The following RGS7 variants were observed in gnomAD, a reference collection of about 807,000 sequenced individuals.
RGS7 encodes regulator of G protein signaling 7.
A neutral mutation model predicts 81.1 loss-of-function variants in RGS7; 27 were observed. The ratio of observed to expected loss-of-function variants is 0.33; its 90% CI spans 0.25 to 0.46. The LOEUF (loss-of-function observed/expected upper bound fraction) is 0.46. Among genes scored for constraint, RGS7 ranks in the 20% least tolerant of loss-of-function variants. The pLI is 1.00. For missense variants in RGS7, 396 were observed against 607.4 expected (o/e 0.65, Z 3.66); for synonymous variants, 208 against 207.7 (o/e 1.00, Z -0.01).
chr1:241,119,195 A>G (rs1404976300), intron 2 of RGS7, among the ~76,000 whole-genome samples: 1 of 152,182 alleles, frequency 6.6e-6, no homozygotes, highest in Admixed American at 6.5e-5. Context: ...ACAACTAACT[A>G]TATTTCTCAA....
At chr1:240,923,170 T>C (rs1420219638) in intron 6 of RGS7, among the ~76,000 whole-genome samples, 3 of 151,992 alleles carry the variant, frequency 2.0e-5, no homozygotes, top group Non-Finnish European at 4.4e-5. Context: ...AAGATAAGTG[T>C]GTGCCAGGGG....
intron 2 of RGS7, among the ~76,000 whole-genome samples, chr1:241,274,833 T>C (rs564629782): frequency 2.0e-5 from 3 of 152,354 alleles, no homozygotes; most frequent in Admixed American, 6.5e-5. Context: ...CCCTGGTTCA[T>C]ATCAGCCTGA....
At chr1:241,282,826 G>A (rs923560104) in intron 2 of RGS7, among the ~76,000 whole-genome samples, 5 of 152,096 alleles carry the variant, frequency 3.3e-5, no homozygotes, top group South Asian at 2.1e-4. Context: ...ATAGAATCAC[G>A]AGCTTTTTCC....
intron 4 of RGS7, among the ~76,000 whole-genome samples, chr1:240,977,307 A>C (rs2148535581): frequency 6.6e-6 from 1 of 152,324 alleles, no homozygotes; most frequent in African/African-American, 2.4e-5. Flanking sequence ...CATTTTATTT[A>C]ATCTTTCCGC....
chr1:241,096,255 C>T (rs960265778), intron 3 of RGS7, among the ~76,000 whole-genome samples: 1 of 151,792 alleles, frequency 6.6e-6, no homozygotes, highest in Non-Finnish European at 1.5e-5. Context: ...AGTTGGGCCA[C>T]AAAAGAATAG....
chr1:241,327,039 G>T (rs1315060703), intron 2 of RGS7, among the ~76,000 whole-genome samples: 59 of 24,000 alleles, frequency 2.5e-3, no homozygotes, highest in Non-Finnish European at 4.0e-3. Flanking sequence ...AGGAAGGAAG[G>T]GAGGGAGGGG....
chr1:241,173,149 C>T (rs970942472), intron 2 of RGS7, among the ~76,000 whole-genome samples: 4 of 152,128 alleles, frequency 2.6e-5, no homozygotes, highest in African/African-American at 7.2e-5. Context: ...GTTTTTATAT[C>T]GCTCAACAAA....
intron 4 of RGS7, among the ~76,000 whole-genome samples, chr1:240,970,984 AAAATAAAATAAAT>A (rs147237169): frequency 0.026 from 4,003 of 152,284 alleles, 162 homozygotes; most frequent in African/African-American, 0.091. Context: ...GTCTCAAAAC[AAAATAAAATAAAT>A]AAATAAAATA....
intron 3 of RGS7, among the ~76,000 whole-genome samples, chr1:241,061,004 A>G (rs906801768): frequency 6.6e-6 from 1 of 152,182 alleles, no homozygotes; most frequent in African/African-American, 2.4e-5. Flanking sequence ...GGCCCATGCC[A>G]CCACCTGCTC....
chr1:241,130,927 C>CAAAA lies in RGS7; in HGVS notation c.79-32169_79-32166dup, dbSNP rs11365447. Among the ~76,000 whole-genome samples, 656 of 90,154 alleles carry CAAAA rather than the reference C, an allele frequency of 7.3e-3. 5 individuals are homozygous for CAAAA. Among genetic ancestry groups the CAAAA allele is most frequent in the African/African-American group, 0.023 (617 of 26,530 alleles). 59.1% of individuals were successfully genotyped at this position (90,154 alleles called of 152,430 possible). A position where few individuals can be genotyped will look rare whatever the true frequency, so the allele number is the denominator to read the frequency against. On this transcript the variant is annotated intron_variant, in intron 2 of 18. Coordinates refer to ENST00000440928, the MANE Select transcript of RGS7 (RefSeq NM_001364886.1). ...AATAATAGGATAAAAGGCTTAATTA[C>CAAAA]AAAAAAAAAAAAAAAAAACCAAGAG...
At chr1:241,259,870 A>C (rs2148274767) in intron 2 of RGS7, among the ~76,000 whole-genome samples, 1 of 151,770 alleles carries the variant, frequency 6.6e-6, no homozygotes, top group South Asian at 2.1e-4. Context: ...TAAAATTATA[A>C]AATATTAGTA....
At chr1:240,993,275 GAA>G (rs1254354829) in intron 3 of RGS7, among the ~76,000 whole-genome samples, 3 of 152,088 alleles carry the variant, frequency 2.0e-5, no homozygotes, top group African/African-American at 4.8e-5. Flanking sequence ...GAAAAAGAAA[GAA>G]AGAGAGAGAG....
chr1:241,023,314 A>G (rs568659573), intron 3 of RGS7, among the ~76,000 whole-genome samples: 60 of 152,114 alleles, frequency 3.9e-4, no homozygotes, highest in Non-Finnish European at 8.2e-4. Flanking sequence ...GTAGATGTAC[A>G]TTTTCTCTCT....
intron 2 of RGS7, among the ~76,000 whole-genome samples, chr1:241,127,571 T>A (rs1336405143): frequency 2.6e-5 from 4 of 151,916 alleles, no homozygotes; most frequent in South Asian, 2.1e-4. Context: ...AGGGATAGCG[T>A]TAGGAGATAT....
chr1:240,859,169 G>A (rs1661690371), intron 9 of RGS7, among the ~76,000 whole-genome samples: 1 of 151,840 alleles, frequency 6.6e-6, no homozygotes, highest in Non-Finnish European at 1.5e-5. Flanking sequence ...TTAATTTACT[G>A]TTTTTTAAAT....
chr1:241,190,101 C>CA (rs796879870), intron 2 of RGS7, among the ~76,000 whole-genome samples: 102 of 145,584 alleles, frequency 7.0e-4, no homozygotes, highest in Middle Eastern at 3.5e-3. Flanking sequence ...GACTCCGTCT[C>CA]AAAAAAAAAA....
chr1:240,883,846 C>T (rs969617424), intron 6 of RGS7, among the ~76,000 whole-genome samples: 24 of 152,120 alleles, frequency 1.6e-4, no homozygotes, highest in Admixed American at 5.9e-4. Context: ...GAGGCTGAGG[C>T]GGGTGGATCA....
chr1:240,850,249 T>C (rs1256122030), intron 9 of RGS7, among the ~76,000 whole-genome samples: 1 of 152,248 alleles, frequency 6.6e-6, no homozygotes, highest in Non-Finnish European at 1.5e-5. Flanking sequence ...GCAAGTTTAC[T>C]GGTGCCATTT....
At chr1:241,239,452 C>T (rs1389399137) in intron 2 of RGS7, among the ~76,000 whole-genome samples, 1 of 152,152 alleles carries the variant, frequency 6.6e-6, no homozygotes, top group Admixed American at 6.6e-5. Context: ...TCATGTCCCC[C>T]CTTCACTCAA....
Sources: gnomAD v4.1 joint callset for allele counts (sites outside exome capture counted in the v4.1 genomes callset) on GRCh38, gnomAD v4.1.1 for gene constraint, MANE v1.5 for transcripts, NCBI Gene and HGNC (gene_info 2026-07-23, HGNC 2026-07-21) for gene names.